GREB1L: variants seen among roughly 807,000 people sequenced by gnomAD.
GREB1L encodes GREB1-like protein.
GREB1L carries 17 observed loss-of-function variants against 200.8 expected under a neutral mutation model. The observed-to-expected ratio is 0.08, with a 90% CI of 0.06 to 0.13. The LOEUF is 0.13. Among genes scored for constraint, GREB1L ranks in the 10% least tolerant of loss-of-function variants. The pLI, the probability that GREB1L is intolerant of heterozygous loss-of-function variation, is 1.00. For synonymous variants in GREB1L, 789 were observed against 893.0 expected, an observed-to-expected ratio of 0.88 and a Z score of 2.08; for missense variants, 1,657 against 2,367.7, an observed-to-expected ratio of 0.70 and a Z score of 6.23.
intron 1 of GREB1L, among the ~76,000 whole-genome samples, chr18:21,339,336 G>A (rs1382031057): frequency 6.6e-6 from 1 of 152,208 alleles, no homozygotes; most frequent in Non-Finnish European, 1.5e-5. Context: ...TAGGCTGTCA[G>A]TCTGACCTCA....
intron 7 of GREB1L, among the ~76,000 whole-genome samples, chr18:21,417,373 A>T (rs1364698177): frequency 6.6e-6 from 1 of 152,010 alleles, no homozygotes; most frequent in Non-Finnish European, 1.5e-5. Flanking sequence ...AATGCAAAAA[A>T]AATTGCCAGG....
At chr18:21,327,814 G>A (rs1343577827) in intron 1 of GREB1L, among the ~76,000 whole-genome samples, 3 of 151,892 alleles carry the variant, frequency 2.0e-5, no homozygotes, top group Non-Finnish European at 2.9e-5. Flanking sequence ...CCGGGTTCAC[G>A]CCATTCTCCT....
chr18:21,407,754 T>C (rs982765845), intron 7 of GREB1L, among the ~76,000 whole-genome samples: 3 of 152,166 alleles, frequency 2.0e-5, no homozygotes, highest in African/African-American at 7.2e-5. Context: ...GAAAATATGG[T>C]ATATATACAC....
chr18:21,458,310 T>C (rs564783617), intron 15 of GREB1L, among the ~76,000 whole-genome samples: 1 of 152,264 alleles, frequency 6.6e-6, no homozygotes, highest in Non-Finnish European at 1.5e-5. Context: ...TAGTGCCTCG[T>C]TTCATGCCTC....
At chr18:21,382,056 T>C (rs2040337696) in intron 2 of GREB1L, among the ~76,000 whole-genome samples, 1 of 152,142 alleles carries the variant, frequency 6.6e-6, no homozygotes, top group South Asian at 2.1e-4. Context: ...TAGTTTCAGA[T>C]AGTTTTGGCT....
At chr18:21,336,261 T>TA (rs1304448207) in intron 1 of GREB1L, among the ~76,000 whole-genome samples, 2 of 152,198 alleles carry the variant, frequency 1.3e-5, no homozygotes, top group Non-Finnish European at 2.9e-5. Flanking sequence ...CTTACTTAAA[T>TA]AAACAAGCTA....
intron 6 of GREB1L, among the ~76,000 whole-genome samples, chr18:21,402,501 C>G (rs1314694638): frequency 6.9e-6 from 1 of 145,382 alleles, no homozygotes; most frequent in Non-Finnish European, 1.5e-5. Flanking sequence ...TTTCCTTTCC[C>G]TTTCCTTTTC....
At chr18:21,522,396 C>T (rs550703751) in intron 32 of GREB1L, among the ~76,000 whole-genome samples, 1 of 152,128 alleles carries the variant, frequency 6.6e-6, no homozygotes, top group African/African-American at 2.4e-5. Flanking sequence ...ATTGCTTGAA[C>T]CCAGGAGGCA....
chr18:21,244,955 T>C (rs185574239), intron 1 of GREB1L, among the ~76,000 whole-genome samples: 1 of 152,330 alleles, frequency 6.6e-6, no homozygotes, highest in East Asian at 1.9e-4. Context: ...AATTTATACT[T>C]CTCTGAAGTG....
chr18:21,476,544 G>A (rs2035705847), intron 16 of GREB1L, among the ~76,000 whole-genome samples: 1 of 151,820 alleles, frequency 6.6e-6, no homozygotes, highest in South Asian at 2.1e-4. Flanking sequence ...GGACTTCTCT[G>A]AATTTAATTT....
intron 1 of GREB1L, among the ~76,000 whole-genome samples, chr18:21,337,210 A>G (rs2039198072): frequency 6.6e-6 from 1 of 152,200 alleles, no homozygotes; most frequent in Non-Finnish European, 1.5e-5. Context: ...CTTTTTCTTC[A>G]GATCCTAAGC....
At chr18:21,360,329 C>T (rs1567951045) in intron 1 of GREB1L, among the ~76,000 whole-genome samples, 1 of 152,202 alleles carries the variant, frequency 6.6e-6, no homozygotes, top group Non-Finnish European at 1.5e-5. Flanking sequence ...AGCAATTCTC[C>T]TGCCTCAGCC....
chr18:21,334,706 G>A lies in GREB1L; in HGVS notation c.-119-31321G>A, dbSNP rs535588370. 1.5e-3 allele frequency among the ~76,000 whole-genome samples: 234 copies of A among 152,060 alleles called. 1 individual carries two copies. Among genetic ancestry groups the A allele is most frequent in the Non-Finnish European group, 2.8e-3 (187 of 67,982 alleles). ...GGAGAATCACTTGGACCCAGGAGGC[G>A]GAGGTTGCAGTAGGCTGAGATTGCG... On this transcript the variant is annotated intron_variant, in intron 1 of 32. Coordinates refer to ENST00000424526, the MANE Select transcript of GREB1L (RefSeq NM_001142966.3).
Position 21,513,904 on chromosome 18 carries a change from C to T in GREB1L, c.4819C>T (p.Arg1607Cys). ...RNRLEELGIK[R>C]QCVWPFIVMM... Reference sequence around the variant, plus strand: ...CCGCCTGGAGGAGCTAGGCATTAAACGCCAGTGTGTCTGGCCTTTCATCGT... The same window carrying T: ...CCGCCTGGAGGAGCTAGGCATTAAATGCCAGTGTGTCTGGCCTTTCATCGT... The change falls in exon 28 of 33, where the codon CGC becomes TGC. Residue 1607 changes from arginine to cysteine, a missense_variant. By Grantham distance (180) the Arg-to-Cys change is radical. Coordinates refer to ENST00000424526, the MANE Select transcript of GREB1L (RefSeq NM_001142966.3). The T allele has an allele frequency of 6.4e-7, 1 of 1,551,016 alleles. No individual in the cohort carries two copies. Among genetic ancestry groups the T allele is most frequent in the Non-Finnish European group, 8.7e-7 (1 of 1,146,342 alleles).
chr18:21,243,506 C>G (rs1294105791), intron 1 of GREB1L, among the ~76,000 whole-genome samples: 1 of 152,214 alleles, frequency 6.6e-6, no homozygotes, highest in South Asian at 2.1e-4. Context: ...CCCCCCGCCT[C>G]GAGGCGGGAA....
At chr18:21,345,871 C>CAA (rs34189374) in intron 1 of GREB1L, among the ~76,000 whole-genome samples, 68 of 76,158 alleles carry the variant, frequency 8.9e-4, no homozygotes, top group Middle Eastern at 8.6e-3. Context: ...GACTCCATCT[C>CAA]AAAAAAAAAA....
At position 21,401,419 on chromosome 18, in the gene GREB1L, A is replaced by C. The variant is rs1428050351; in HGVS notation, c.709+93A>C. On this transcript the variant is annotated intron_variant, in intron 6 of 32. Coordinates refer to ENST00000424526, the MANE Select transcript of GREB1L (RefSeq NM_001142966.3). ...AAGATTCAGAGTTCAGGTGGGATAC[A>C]GATAAATATCCTAAGTTCAGAAGGA... 2.8e-6 allele frequency: 3 copies of C among 1,063,186 alleles called. No homozygotes were observed. In the Admixed American group the frequency reaches 8.1e-5, roughly 29 times the overall value. The allele number at this position is 1,063,186 out of a possible 1,614,324, so 65.9% of individuals were successfully genotyped here.
chr18:21,504,764 G>A (rs1289503490), intron 23 of GREB1L, among the ~76,000 whole-genome samples: 2 of 152,204 alleles, frequency 1.3e-5, no homozygotes, highest in African/African-American at 4.8e-5. Context: ...AGGTGGTTGA[G>A]GCTGCATTAA....
intron 10 of GREB1L, among the ~76,000 whole-genome samples, chr18:21,441,763 C>G (rs1350892404): frequency 6.6e-6 from 1 of 152,174 alleles, no homozygotes. Context: ...GGAGTCTCAC[C>G]TCGCATGAGC....
Sources: gnomAD v4.1 joint callset for allele counts (sites outside exome capture counted in the v4.1 genomes callset) on GRCh38, gnomAD v4.1.1 for gene constraint, MANE v1.5 for transcripts, NCBI Gene and HGNC (gene_info 2026-07-23, HGNC 2026-07-21) for gene names.